GALNT11: variants seen among roughly 807,000 people sequenced by gnomAD.
The protein encoded by GALNT11 is UDP-GalNAc:polypeptide N-acetylgalactosaminyltransferase 11.
Under a neutral mutation model 72.7 loss-of-function variants are expected in GALNT11, and 47 were observed. The observed-to-expected ratio is 0.65, with a 90% CI of 0.51 to 0.82. The LOEUF (loss-of-function observed/expected upper bound fraction) is 0.82, where lower values mean the gene tolerates loss of function less well. GALNT11 is among the 40% of genes least tolerant of loss of function. The pLI, the probability that GALNT11 is intolerant of heterozygous loss-of-function variation, is 0.00. For synonymous variants in GALNT11, 270 were observed against 286.6 expected (o/e 0.94, Z 0.58); for missense variants, 677 against 778.4 (o/e 0.87, Z 1.55).
chr7:152,026,355 G>C (rs1426043122), intron 1 of GALNT11, among the ~76,000 whole-genome samples: 1 of 152,234 alleles, frequency 6.6e-6, no homozygotes, highest in African/African-American at 2.4e-5. Context: ...AGCTGCGTCA[G>C]GCAAACCTGC....
chr7:152,098,309 A>G (rs2086526239), intron 2 of GALNT11, among the ~76,000 whole-genome samples: 1 of 152,042 alleles, frequency 6.6e-6, no homozygotes, highest in South Asian at 2.1e-4. Context: ...GTGGGGGCGC[A>G]TGGCTGTAGT....
chr7:152,104,447 T>G (rs1379947943), intron 4 of GALNT11: 1 of 152,162 alleles, frequency 6.6e-6, no homozygotes, highest in Non-Finnish European at 1.5e-5. Context: ...TTCTCAAACC[T>G]TGGCCAAAAA....
intron 3 of GALNT11, among the ~76,000 whole-genome samples, chr7:152,101,784 C>T (rs998266270): frequency 6.6e-5 from 10 of 152,048 alleles, no homozygotes; most frequent in Non-Finnish European, 1.0e-4. Context: ...CAGGCGTGCA[C>T]CACCACGCCT....
intron 8 of GALNT11, among the ~76,000 whole-genome samples, chr7:152,116,601 C>T (rs920514229): frequency 9.2e-5 from 14 of 152,134 alleles, no homozygotes; most frequent in African/African-American, 1.2e-4. Context: ...TATTCCACAT[C>T]GTAACTAGAC....
intron 1 of GALNT11, among the ~76,000 whole-genome samples, chr7:152,035,916 A>G (rs965280109): frequency 6.6e-6 from 1 of 152,148 alleles, no homozygotes; most frequent in African/African-American, 2.4e-5. Context: ...GCTGCTGCGT[A>G]GTGCCCGCTG....
intron 1 of GALNT11, among the ~76,000 whole-genome samples, chr7:152,085,838 C>G (rs1038264693): frequency 2.6e-5 from 4 of 151,926 alleles, no homozygotes; most frequent in Admixed American, 6.6e-5. Flanking sequence ...TCCTCAGCAT[C>G]CAGAGTAGCT....
At chr7:152,049,121 T>C (rs2083276518) in intron 1 of GALNT11, among the ~76,000 whole-genome samples, 1 of 152,176 alleles carries the variant, frequency 6.6e-6, no homozygotes, top group Non-Finnish European at 1.5e-5. Context: ...GATTGGTTGC[T>C]GATGCCTTAT....
chr7:152,025,948 C>T (rs1339405830), intron 1 of GALNT11, 64 bp downstream of exon 1: 1 of 162,986 alleles, frequency 6.1e-6, no homozygotes, highest in Non-Finnish European at 1.3e-5. Flanking sequence ...GCGGCGGCGG[C>T]GGCGCGCGGG....
At chr7:152,051,815 G>GT (rs2083421485) in intron 1 of GALNT11, among the ~76,000 whole-genome samples, 1 of 152,202 alleles carries the variant, frequency 6.6e-6, no homozygotes, top group Non-Finnish European at 1.5e-5. Flanking sequence ...TTATCAAGCA[G>GT]TAAGTGTCTG....
At chr7:152,065,212 A>G (rs535334904) in intron 1 of GALNT11, among the ~76,000 whole-genome samples, 1 of 152,260 alleles carries the variant, frequency 6.6e-6, no homozygotes, top group South Asian at 2.1e-4. Flanking sequence ...TTGATCTTCA[A>G]TTACTGATAC....
intron 4 of GALNT11, chr7:152,104,498 C>A (rs890529756): frequency 7.2e-5 from 11 of 152,052 alleles, no homozygotes; most frequent in African/African-American, 2.4e-4. Flanking sequence ...TGAGTCTGGA[C>A]CACGTAGAAG....
At chr7:152,073,251 C>T (rs1195933933) in intron 1 of GALNT11, among the ~76,000 whole-genome samples, 1 of 152,136 alleles carries the variant, frequency 6.6e-6, no homozygotes, top group Non-Finnish European at 1.5e-5. Context: ...GAACTTATTC[C>T]TCCTATCTAG....
chr7:152,104,748 G>A, intron 4 of GALNT11: 1 of 152,152 alleles, frequency 6.6e-6, no homozygotes, highest in Non-Finnish European at 1.5e-5. Flanking sequence ...AGCAACCTTG[G>A]AAGAAAGATG....
intron 1 of GALNT11, among the ~76,000 whole-genome samples, chr7:152,037,562 G>T (rs532740624): frequency 6.6e-6 from 1 of 152,142 alleles, no homozygotes; most frequent in South Asian, 2.1e-4. Flanking sequence ...AGATAGCATA[G>T]GCTATTCTGG....
chr7:152,038,213 A>G (rs1232859089), intron 1 of GALNT11, among the ~76,000 whole-genome samples: 1 of 152,184 alleles, frequency 6.6e-6, no homozygotes, highest in Non-Finnish European at 1.5e-5. Flanking sequence ...AGAGTGTGGA[A>G]TGGGAAATCA....
At chr7:152,074,868 G>C (rs754600163) in intron 1 of GALNT11, 1 of 152,338 alleles carries the variant, frequency 6.6e-6, no homozygotes, top group Non-Finnish European at 1.5e-5. Context: ...TGACAGGAAG[G>C]CTGGAGGGGG....
intron 1 of GALNT11, among the ~76,000 whole-genome samples, chr7:152,079,853 G>A (rs10262552): frequency 0.16 from 24,236 of 152,180 alleles, 4,692 homozygotes; most frequent in African/African-American, 0.46. Context: ...TAAAATATGA[G>A]TGTGCCTCTT....
intron 1 of GALNT11, among the ~76,000 whole-genome samples, chr7:152,072,825 C>T (rs2084738238): frequency 6.6e-6 from 1 of 152,196 alleles, no homozygotes; most frequent in African/African-American, 2.4e-5. Flanking sequence ...GATAAATATT[C>T]TAGTGTCTTT....
At chr7:152,072,188 G>T (rs757297616) in intron 1 of GALNT11, among the ~76,000 whole-genome samples, 2 of 150,018 alleles carry the variant, frequency 1.3e-5, no homozygotes, top group South Asian at 4.2e-4. Context: ...GCATGTTGGC[G>T]CACGTCTGTT....
Sources: gnomAD v4.1 joint callset for allele counts (sites outside exome capture counted in the v4.1 genomes callset) on GRCh38, gnomAD v4.1.1 for gene constraint, MANE v1.5 for transcripts, NCBI Gene and HGNC (gene_info 2026-07-23, HGNC 2026-07-21) for gene names.